TRPM3: variants seen among roughly 807,000 people sequenced by gnomAD.
The protein encoded by TRPM3 is long transient receptor potential channel 3.
A neutral mutation model predicts 181.2 loss-of-function variants in TRPM3; 77 were observed. The observed-to-expected ratio is 0.42, with a 90% CI of 0.35 to 0.51. TRPM3 has a LOEUF of 0.51. Among genes scored for constraint, TRPM3 ranks in the 20% least tolerant of loss-of-function variants. The pLI, the probability that TRPM3 is intolerant of heterozygous loss-of-function variation, is 0.01. For synonymous variants in TRPM3, 745 were observed against 796.4 expected, an observed-to-expected ratio of 0.94 and a Z score of 1.09; for missense variants, 1,759 against 2,196.7, an observed-to-expected ratio of 0.80 and a Z score of 3.98.
At chr9:70,818,408 T>C (rs997208919) in intron 6 of TRPM3, among the ~76,000 whole-genome samples, 3 of 152,246 alleles carry the variant, frequency 2.0e-5, no homozygotes, top group Admixed American at 2.0e-4. Context: ...TCCTGGGCAA[T>C]GCCCTCGAGT....
At chr9:71,301,821 C>T (rs1477666190) in intron 1 of TRPM3, among the ~76,000 whole-genome samples, 1 of 152,066 alleles carries the variant, frequency 6.6e-6, no homozygotes, top group African/African-American at 2.4e-5. Context: ...AAATGAAACA[C>T]TATATACACA....
chr9:70,813,314 G>T (rs1588709744), intron 6 of TRPM3, among the ~76,000 whole-genome samples: 1 of 151,954 alleles, frequency 6.6e-6, no homozygotes, highest in African/African-American at 2.4e-5. Flanking sequence ...ATACACCAGG[G>T]AATACTATGC....
intron 9 of TRPM3, among the ~76,000 whole-genome samples, chr9:70,652,106 G>C (rs946644761): frequency 1.3e-5 from 2 of 152,116 alleles, no homozygotes. Flanking sequence ...GAATTGGCAA[G>C]CATTTTCTTG....
At chr9:70,745,102 G>A (rs1300554431) in intron 8 of TRPM3, among the ~76,000 whole-genome samples, 2 of 152,132 alleles carry the variant, frequency 1.3e-5, no homozygotes, top group Non-Finnish European at 2.9e-5. Context: ...CATCACCATT[G>A]TTACAATAAA....
intron 1 of TRPM3, among the ~76,000 whole-genome samples, chr9:71,441,818 A>G (rs553763696): frequency 6.6e-6 from 1 of 152,076 alleles, no homozygotes; most frequent in Admixed American, 6.5e-5. Flanking sequence ...TTTTTAGTAG[A>G]GATGGGGTTT....
chr9:71,171,950 G>A (rs2076884582), intron 1 of TRPM3, among the ~76,000 whole-genome samples: 1 of 152,104 alleles, frequency 6.6e-6, no homozygotes, highest in Admixed American at 6.6e-5. Flanking sequence ...ACAGGCTAGA[G>A]TGCAGTGGCG....
intron 1 of TRPM3, among the ~76,000 whole-genome samples, chr9:71,013,788 A>T (rs1442620646): frequency 6.6e-6 from 1 of 152,004 alleles, no homozygotes; most frequent in Non-Finnish European, 1.5e-5. Context: ...CTTGTTTTGT[A>T]CATTTGTAAC....
intron 1 of TRPM3, among the ~76,000 whole-genome samples, chr9:71,401,928 C>G (rs1288094070): frequency 6.6e-6 from 1 of 152,176 alleles, no homozygotes; most frequent in Non-Finnish European, 1.5e-5. Context: ...ATTATCCCCT[C>G]AAATCACTCT....
chr9:71,285,331 A>C (rs980510532), intron 1 of TRPM3, among the ~76,000 whole-genome samples: 36 of 152,180 alleles, frequency 2.4e-4, no homozygotes, highest in African/African-American at 8.0e-4. Flanking sequence ...CATCCACTAG[A>C]GGGTCGTAGC....
At chr9:70,795,022 C>T (rs556737807) in intron 6 of TRPM3, among the ~76,000 whole-genome samples, 247 of 152,230 alleles carry the variant, frequency 1.6e-3, no homozygotes, top group African/African-American at 5.6e-3. Context: ...TAAAGCGTAA[C>T]GACTATTGAT....
intron 1 of TRPM3, among the ~76,000 whole-genome samples, chr9:71,420,775 GAAAGAGAGAGAA>G (rs2093731103): frequency 5.5e-5 from 1 of 18,024 alleles, no homozygotes. Flanking sequence ...GAAAGAGAGA[GAAAGAGAGAGAA>G]AGAGAGAGAA....
chr9:70,533,926 C>G lies in TRPM3; in HGVS notation c.*2027G>C, dbSNP rs2041237956. On this transcript the variant is annotated 3_prime_UTR_variant, in exon 26 of 26. Transcript: ENST00000677713. ...TTGTTTTTTATCTTATATTTAAAGG[C>G]CATGTATTTACTTGATTTCACAAAA... is the stretch of plus-strand genomic sequence containing the variant. 2 of 152,110 alleles carry G rather than the reference C, an allele frequency of 1.3e-5. No individual in the cohort carries two copies. The highest frequency in any genetic ancestry group is 4.8e-5 in the African/African-American group (2 of 41,414). The allele number at this position is 152,110 out of a possible 1,614,324, so 9.4% of individuals were successfully genotyped here.
At position 71,119,026 on chromosome 9, in the gene TRPM3, A is replaced by G. The variant is rs147539837; in HGVS notation, c.177+2152T>C. Among the ~76,000 whole-genome samples the G allele has an allele frequency of 5.0e-3, 757 of 152,286 alleles. 18 individuals are homozygous for G. In the East Asian group the frequency reaches 0.078, roughly 16 times the overall value. On this transcript the variant is annotated intron_variant, in intron 1 of 25. Coordinates refer to ENST00000677713, the MANE Select transcript of TRPM3 (RefSeq NM_001366145.2). ...CCATAGGAGAAACATACAACAATCC[A>G]TAGGAAAAAAATACATAGCATTCAC...
At chr9:71,292,171 C>G (rs1293328797) in intron 1 of TRPM3, among the ~76,000 whole-genome samples, 3 of 151,972 alleles carry the variant, frequency 2.0e-5, no homozygotes. Context: ...TGCTGATGAA[C>G]ACACAGTACC....
chr9:71,248,087 T>A (rs1352349258), intron 1 of TRPM3, among the ~76,000 whole-genome samples: 1 of 152,156 alleles, frequency 6.6e-6, no homozygotes, highest in Non-Finnish European at 1.5e-5. Flanking sequence ...ATAACTGAAC[T>A]TGTTCAAGCT....
intron 1 of TRPM3, among the ~76,000 whole-genome samples, chr9:70,952,743 G>T (rs2097017784): frequency 6.6e-6 from 1 of 152,120 alleles, no homozygotes. Flanking sequence ...ACAAAATCTT[G>T]TGGGGGATTG....
chr9:71,269,964 G>A (rs2083667125), intron 1 of TRPM3, among the ~76,000 whole-genome samples: 1 of 152,170 alleles, frequency 6.6e-6, no homozygotes, highest in Non-Finnish European at 1.5e-5. Flanking sequence ...ACCATCAAGA[G>A]TAGAAGTCAA....
intron 1 of TRPM3, among the ~76,000 whole-genome samples, chr9:71,143,193 T>C (rs2075221392): frequency 6.6e-6 from 1 of 151,980 alleles, no homozygotes; most frequent in Non-Finnish European, 1.5e-5. Context: ...CATTAAATAT[T>C]TTTTCTTTTA....
chr9:71,285,658 G>A (rs1468680324), intron 1 of TRPM3, among the ~76,000 whole-genome samples: 2 of 152,166 alleles, frequency 1.3e-5, no homozygotes, highest in East Asian at 3.9e-4. Flanking sequence ...TTTGGTCCAA[G>A]CCAGCTCAAG....
Sources: allele counts gnomAD v4.1 joint callset (sites outside exome capture counted in the v4.1 genomes callset), GRCh38; gene constraint gnomAD v4.1.1; transcripts MANE v1.5; gene names NCBI Gene and HGNC (gene_info 2026-07-23, HGNC 2026-07-21).